ARHGEF1: variants seen among roughly 807,000 people sequenced by gnomAD.
ARHGEF1 encodes the protein 115 kDa guanine nucleotide exchange factor.
ARHGEF1 carries 40 observed loss-of-function variants against 119.7 expected under a neutral mutation model. The observed-to-expected ratio is 0.33, with a 90% CI of 0.26 to 0.44. The LOEUF (loss-of-function observed/expected upper bound fraction) is 0.44. Ranked by LOEUF, ARHGEF1 falls within the 20% of genes least tolerant of loss-of-function variation. The probability of loss-of-function intolerance (pLI) is 1.00; values close to 1 mark genes in which losing one functional copy is unlikely to be tolerated. For missense variants in ARHGEF1, 976 were observed against 1,268.3 expected, an observed-to-expected ratio of 0.77 and a Z score of 3.50; for synonymous variants, 494 against 521.0, an observed-to-expected ratio of 0.95 and a Z score of 0.71.
At chr19:41,907,826 A>C, downstream of ARHGEF1, 1 of 175,840 alleles carries the variant, frequency 5.7e-6, no homozygotes, top group Non-Finnish European at 1.1e-5. Flanking sequence ...TATTGCTCTG[A>C]GCTCCCTGTC....
In ARHGEF1 at chr19:41,916,720, C is replaced by T. The variant is rs112942258; in HGVS notation, c.1866-6372C>T. ...ATATGCACTTGGTCACGCATGGAGC[C>T]GTAGAGATACACACACCAGCACCAA... On this transcript the variant is annotated intron_variant, in intron 18 of 20. Coordinates refer to the ARHGEF1 transcript ENST00000599589. The surrounding 1 kb of genome is among the most constrained non-coding windows in gnomAD (Gnocchi z 5.4). Among the ~76,000 whole-genome samples, 4,081 of 151,956 alleles carry T rather than the reference C, an allele frequency of 0.027. 184 individuals are homozygous for T. The highest frequency in any genetic ancestry group is 0.093 in the African/African-American group (3,839 of 41,386).
chr19:41,896,775 A>C (rs1191493212), intron 13 of ARHGEF1: 21 of 457,868 alleles, frequency 4.6e-5, no homozygotes, highest in African/African-American at 2.9e-4. Flanking sequence ...CACTCCTTCC[A>C]TCTCCTTTAT....
chr19:41,887,179 C>T (rs1312505115), intron 1 of ARHGEF1, among the ~76,000 whole-genome samples: 2 of 151,858 alleles, frequency 1.3e-5, no homozygotes, highest in Non-Finnish European at 2.9e-5. Flanking sequence ...GGGGGTGTCA[C>T]CGCTGAGAGG....
In ARHGEF1 at chr19:41,906,253, C is replaced by T. The variant is rs1481764852; in HGVS notation, c.2492-204C>T. 7 of 659,696 alleles carry T rather than the reference C, an allele frequency of 1.1e-5. No homozygotes were observed. In the East Asian group the frequency reaches 1.9e-4, roughly 18 times the overall value. The allele number at this position is 659,696 out of a possible 1,614,324, so 40.9% of individuals were successfully genotyped here. A position where few individuals can be genotyped will look rare whatever the true frequency, so the allele number is the denominator to read the frequency against. ...AGCCTCTTCCTGAACACATCTCTGT[C>T]TTCAGTACCTTCCTGCCCTGTCCCA... On this transcript the variant is annotated intron_variant, in intron 26 of 28. Transcript: ENST00000354532. This position sits in a 1 kb window ranked among gnomAD's most constrained non-coding sequence, Gnocchi z 4.5.
chr19:41,908,673 G>A (rs1420896057), downstream of ARHGEF1: 3 of 1,230,900 alleles, frequency 2.4e-6, no homozygotes, highest in Non-Finnish European at 3.0e-6. The surrounding 1 kb of genome is among the most constrained non-coding windows in gnomAD (Gnocchi z 6.7). Flanking sequence ...ATAGCTGGTG[G>A]CACCTGGGGG....
rs782007974 is a variant in ARHGEF1, at chr19:41,892,642, G to A, written c.407G>A (p.Arg136Gln). ...RADLISEDVQRRFVQEVVQSQ... is the reference protein window; with the variant it reads ...RADLISEDVQQRFVQEVVQSQ... ...GACCTCATCTCCGAGGATGTCCAGC[G>A]GCGGTTCGTGCAGGAGGTGGTGCAA... Residue 136 changes from arginine to glutamine, a missense_variant, in exon 7 of 29, where the codon CGG becomes CAG. Transcript: ENST00000354532. This position sits in a 1 kb window ranked among gnomAD's most constrained non-coding sequence, Gnocchi z 6.3. 16 of 1,612,188 alleles carry A rather than the reference G, an allele frequency of 9.9e-6. No homozygotes were observed. The highest frequency in any genetic ancestry group is 6.6e-5 in the South Asian group (6 of 90,914).
intron 1 of ARHGEF1, among the ~76,000 whole-genome samples, chr19:41,886,436 C>T (rs782230876): frequency 6.6e-6 from 1 of 152,096 alleles, no homozygotes; most frequent in African/African-American, 2.4e-5. Flanking sequence ...GAGCATGCAC[C>T]CTCCACGTCC....
chr19:41,887,074 C>T (rs2074304711), intron 1 of ARHGEF1, among the ~76,000 whole-genome samples: 1 of 152,024 alleles, frequency 6.6e-6, no homozygotes, highest in Admixed American at 6.6e-5. Context: ...GACTGTGACT[C>T]AGAGAGGTGT....
intron 13 of ARHGEF1, chr19:41,897,227 G>A (rs1306108667): frequency 1.4e-5 from 18 of 1,247,682 alleles, no homozygotes; most frequent in South Asian, 2.5e-5. Context: ...TCCTTGTGCC[G>A]CTGCTTTGGG....
chr19:41,897,310 C>T, intron 13 of ARHGEF1: 2 of 1,275,592 alleles, frequency 1.6e-6, no homozygotes, highest in Non-Finnish European at 2.0e-6. Context: ...CCCCTCTCTC[C>T]CCAGAAGGTG....
chr19:41,921,720 G>A (rs1555852511), upstream of ARHGEF1, among the ~76,000 whole-genome samples: 1 of 152,068 alleles, frequency 6.6e-6, no homozygotes, highest in Admixed American at 6.5e-5. This position sits in a 1 kb window ranked among gnomAD's most constrained non-coding sequence, Gnocchi z 4.4. Context: ...GGCGAGCCCG[G>A]CCCTGGAGGT....
At chr19:41,900,269 A>G (rs2074579682) in intron 14 of ARHGEF1, among the ~76,000 whole-genome samples, 1 of 152,138 alleles carries the variant, frequency 6.6e-6, no homozygotes, top group Admixed American at 6.5e-5. Context: ...AGGAAGCAGG[A>G]GATGGAGGTT....
Position 41,903,718 on chromosome 19 carries a change from C to T in ARHGEF1, c.1851C>T (p.Asp617=). ...RDMEDLLRLK[D]YQRRLDLSHL... ...CGTCTCTGCCCCAGAGGCTCAAGGACTATCAGCGGCGCCTGGACTTGTCCC... is the reference window on the plus strand; with the variant it reads ...CGTCTCTGCCCCAGAGGCTCAAGGATTATCAGCGGCGCCTGGACTTGTCCC... The change falls in exon 20 of 29, where the codon GAC becomes GAT. Residue 617 remains aspartate, a synonymous_variant. Transcript: ENST00000354532. This position sits in a 1 kb window ranked among gnomAD's most constrained non-coding sequence, Gnocchi z 4.2. 1 of 1,613,064 alleles carries T rather than the reference C, an allele frequency of 6.2e-7. No individual in the cohort carries two copies. The highest frequency in any genetic ancestry group is 8.5e-7 in the Non-Finnish European group (1 of 1,180,018).
chr19:41,888,706 C>G lies in ARHGEF1; in HGVS notation c.112-46C>G. ...GGAATGGGTAGGGTCAACCCTAAGG[C>G]CCCTCCTCTTCTCCCCATTGTACTC... On this transcript the variant is annotated intron_variant, in intron 3 of 28. Transcript: ENST00000354532. The surrounding 1 kb of genome is among the most constrained non-coding windows in gnomAD (Gnocchi z 5.1). 7.7e-6 allele frequency: 12 copies of G among 1,552,502 alleles called. No individual in the cohort carries two copies. The highest frequency in any genetic ancestry group is 1.1e-5 in the Non-Finnish European group (12 of 1,125,138).
At chr19:41,911,814 T>C (rs1555851281), downstream of ARHGEF1, among the ~76,000 whole-genome samples, 3 of 152,082 alleles carry the variant, frequency 2.0e-5, no homozygotes, top group African/African-American at 7.3e-5. Context: ...CTCAAATATG[T>C]TGTACCTATG....
chr19:41,924,627 A>C (rs868966361), intron 1 of ARHGEF1, among the ~76,000 whole-genome samples: 13 of 152,132 alleles, frequency 8.5e-5, no homozygotes, highest in African/African-American at 2.7e-4. Flanking sequence ...TCAGAGAATG[A>C]TACCTGGACC....
Position 41,883,841 on chromosome 19 carries a change from C to G in ARHGEF1, c.-20+552C>G, listed in dbSNP as rs953537764. On this transcript the variant is annotated intron_variant, in intron 1 of 28. Transcript: ENST00000354532. The surrounding 1 kb of genome is among the most constrained non-coding windows in gnomAD (Gnocchi z 7.6). ...AGGTCATTAATTATACCGTGAGAGA[C>G]AGGTGTAGGGAGAGAGCTGGAGGCC... is the stretch of plus-strand genomic sequence containing the variant. Among the ~76,000 whole-genome samples, 3 of 152,196 alleles carry G rather than the reference C, an allele frequency of 2.0e-5. No homozygotes were observed. The highest frequency in any genetic ancestry group is 2.0e-4 in the Admixed American group (3 of 15,280).
intron 12 of ARHGEF1, 117 bp downstream of exon 12, chr19:41,895,603 C>G (rs1464942258): frequency 2.6e-6 from 3 of 1,145,864 alleles, no homozygotes; most frequent in East Asian, 2.6e-5. Context: ...CCCCTTTGCT[C>G]TCAGCATCCA....
At position 41,917,637 on chromosome 19, in the gene ARHGEF1, C is replaced by T; in HGVS notation, c.1866-5455C>T. The stretch of plus-strand genomic sequence containing the variant: ...CGCCCCCGCATGCACACACCATGCC[C>T]CAAAGCACACGCACGCACGCACACA... On this transcript the variant is annotated intron_variant, in intron 18 of 20. Transcript: ENST00000599589. This position sits in a 1 kb window ranked among gnomAD's most constrained non-coding sequence, Gnocchi z 4.8. Among the ~76,000 whole-genome samples, 1 of 151,722 alleles carries T rather than the reference C, an allele frequency of 6.6e-6. No homozygotes were observed. Among genetic ancestry groups the T allele is most frequent in the East Asian group, 1.9e-4 (1 of 5,196 alleles).
Sources: gnomAD v4.1 joint callset for allele counts (sites outside exome capture counted in the v4.1 genomes callset) on GRCh38, gnomAD v4.1.1 for gene constraint, Gnocchi (gnomAD v3.1) non-coding constraint, MANE v1.5 for transcripts, NCBI Gene and HGNC (gene_info 2026-07-23, HGNC 2026-07-21) for gene names.